The following IMPA2 variants were observed in gnomAD, a reference collection of about 807,000 sequenced individuals.
The protein encoded by IMPA2 is IMP 2.
Under a neutral mutation model 35.1 loss-of-function variants are expected in IMPA2, and 32 were observed. The observed-to-expected ratio is 0.91, with a 90% CI of 0.69 to 1.23. The LOEUF is 1.23. IMPA2 is among the 50% of genes most tolerant of loss of function. The pLI is 0.00. For synonymous variants in IMPA2, 135 were observed against 160.6 expected (o/e 0.84, Z 1.20); for missense variants, 334 against 387.6 (o/e 0.86, Z 1.16).
chr18:12,005,943 C>A (rs1006700140), intron 2 of IMPA2, among the ~76,000 whole-genome samples: 7 of 152,336 alleles, frequency 4.6e-5, no homozygotes, highest in East Asian at 1.9e-4. Flanking sequence ...CATTTCTAGT[C>A]CCTCTGGACC....
chr18:12,019,472 T>A (rs1490663563), intron 5 of IMPA2, among the ~76,000 whole-genome samples: 1 of 151,034 alleles, frequency 6.6e-6, no homozygotes, highest in Non-Finnish European at 1.5e-5. Flanking sequence ...TTCACCGTGT[T>A]GGCCAGGCTG....
chr18:12,011,278 G>A (rs12326288), intron 3 of IMPA2, among the ~76,000 whole-genome samples: 22,227 of 152,210 alleles, frequency 0.15, 1,812 homozygotes, highest in Admixed American at 0.24. Context: ...TGAACCCCAC[G>A]CTATAGCTGT....
At chr18:11,999,327 G>T in intron 2 of IMPA2, 140 bp downstream of exon 2, 2 of 653,344 alleles carry the variant, frequency 3.1e-6, no homozygotes, top group Non-Finnish European at 2.5e-6. Context: ...CCTAACCTGC[G>T]ATTTGTCAGT....
chr18:11,999,196 ACTC>A lies in IMPA2; in HGVS notation c.230+13_230+15del, dbSNP rs1438831305. ...AGGTTTCCTTCACACAGGTAGGTGT[ACTC>A]CTCTGGGAAACACCCCCAGTAACCC... On this transcript the variant is annotated intron_variant, in intron 2 of 7. Coordinates refer to ENST00000269159, the MANE Select transcript of IMPA2 (RefSeq NM_014214.3). 8 of 1,611,536 alleles carry A rather than the reference ACTC, an allele frequency of 5.0e-6. No homozygotes were observed. The highest frequency in any genetic ancestry group is 6.8e-6 in the Non-Finnish European group (8 of 1,178,620).
chr18:12,002,749 GC>G (rs1375748946), intron 2 of IMPA2, among the ~76,000 whole-genome samples: 1 of 130,836 alleles, frequency 7.6e-6, no homozygotes, highest in Non-Finnish European at 1.6e-5. Flanking sequence ...GGGTGACAGA[GC>G]AAGACCTTGT....
At chr18:12,026,488 A>G (rs909274802) in intron 5 of IMPA2, among the ~76,000 whole-genome samples, 3 of 152,188 alleles carry the variant, frequency 2.0e-5, no homozygotes, top group African/African-American at 7.2e-5. Context: ...AATGAACCAA[A>G]TCAAAACAAA....
intron 6 of IMPA2, 76 bp from the exon 7 acceptor site, chr18:12,028,766 C>T (rs1907954172): frequency 6.6e-7 from 1 of 1,505,852 alleles, no homozygotes; most frequent in Non-Finnish European, 9.0e-7. Flanking sequence ...GCCGGGGTAC[C>T]TGGCTGAAGT....
At chr18:12,030,288 A>T (rs1226355369) in intron 7 of IMPA2, 55 bp from the exon 8 acceptor site, 1 of 1,349,384 alleles carries the variant, frequency 7.4e-7, no homozygotes, top group Non-Finnish European at 1.1e-6. Flanking sequence ...GTTACACAAC[A>T]TTGTTCAGCC....
At chr18:12,001,327 G>A (rs145809664) in intron 2 of IMPA2, among the ~76,000 whole-genome samples, 79 of 152,246 alleles carry the variant, frequency 5.2e-4, no homozygotes, top group Middle Eastern at 3.4e-3. Flanking sequence ...GTAACGAGCC[G>A]GCTGTTTCCA....
At chr18:11,993,434 G>A (rs1906870417) in intron 1 of IMPA2, among the ~76,000 whole-genome samples, 2 of 152,208 alleles carry the variant, frequency 1.3e-5, no homozygotes, top group South Asian at 4.1e-4. Flanking sequence ...AGCTGGCGCA[G>A]CCCCCATGTG....
In IMPA2 at chr18:12,028,095, G is replaced by A. The variant is rs201691690; in HGVS notation, c.543G>A (p.Ala181=). The A allele has an allele frequency of 1.2e-5, 19 of 1,614,100 alleles. No individual in the cohort carries two copies. The highest frequency in any genetic ancestry group is 3.3e-5 in the Admixed American group (2 of 60,012). Reference sequence around the variant, plus strand: ...AAATTGGCCCCAAACGTGACCCTGCGACCCTGAAGCTGTTCCTGAGTAACA... The same window carrying A: ...AAATTGGCCCCAAACGTGACCCTGCAACCCTGAAGCTGTTCCTGAGTAACA... The part of the protein sequence containing the change: ...LTEIGPKRDP[A]TLKLFLSNME... The change falls in exon 6 of 8, where the codon GCG becomes GCA. Residue 181 remains alanine, a synonymous_variant. Transcript: ENST00000269159.
chr18:11,986,991 G>C (rs1261813451), intron 1 of IMPA2, among the ~76,000 whole-genome samples: 1 of 152,072 alleles, frequency 6.6e-6, no homozygotes, highest in African/African-American at 2.4e-5. Context: ...GTTTTGCTTT[G>C]CATTTGTCTA....
intron 2 of IMPA2, among the ~76,000 whole-genome samples, chr18:12,005,841 C>T (rs935668016): frequency 4.6e-5 from 7 of 152,296 alleles, no homozygotes; most frequent in African/African-American, 1.4e-4. Context: ...TTCTTTCCAC[C>T]GCTTCAGTTT....
intron 1 of IMPA2, among the ~76,000 whole-genome samples, 159 bp downstream of exon 1, chr18:11,981,924 G>A (rs531596935): frequency 6.6e-6 from 1 of 152,068 alleles, no homozygotes; most frequent in South Asian, 2.1e-4. Flanking sequence ...CCTTTGTGCT[G>A]GTGTCCTGGA....
intron 5 of IMPA2, among the ~76,000 whole-genome samples, chr18:12,020,445 G>A (rs1273793052): frequency 1.2e-4 from 19 of 152,092 alleles, no homozygotes; most frequent in Admixed American, 1.0e-3. Context: ...TGCCCGCCTC[G>A]GCCTCCCAAA....
At chr18:12,019,090 T>C (rs1169292089) in intron 5 of IMPA2, among the ~76,000 whole-genome samples, 3 of 152,030 alleles carry the variant, frequency 2.0e-5, no homozygotes, top group Non-Finnish European at 4.4e-5. Flanking sequence ...CGTCTCAAAG[T>C]GCTGGAATTA....
rs1195425769 is a variant in IMPA2 at position 12,028,039 on chromosome 18, G to A, written c.491-4G>A. ...CTGGTGACAGGAAATTCTTTTTATT[G>A]CAGATCTCTCAAAGGCCTTGGTTCT... is the stretch of plus-strand genomic sequence containing the variant. On this transcript the variant is annotated splice_region_variant and splice_polypyrimidine_tract_variant and intron_variant, in intron 5 of 7. Transcript: ENST00000269159. 3 of 1,600,998 alleles carry A rather than the reference G, an allele frequency of 1.9e-6. 1 individual carries two copies. In the South Asian group the frequency reaches 3.3e-5, roughly 18 times the overall value.
chr18:12,021,211 G>C (rs544663500), intron 5 of IMPA2, among the ~76,000 whole-genome samples: 10 of 152,286 alleles, frequency 6.6e-5, no homozygotes, highest in African/African-American at 2.4e-4. Flanking sequence ...GGGCCACATA[G>C]CAAGACCCCA....
chr18:12,008,050 A>T (rs1343014169), intron 2 of IMPA2, among the ~76,000 whole-genome samples: 4 of 151,338 alleles, frequency 2.6e-5, no homozygotes, highest in African/African-American at 9.7e-5. Context: ...CAACGTTAGG[A>T]TCACTGCAAC....
Sources: gnomAD v4.1 joint callset for allele counts (sites outside exome capture counted in the v4.1 genomes callset) on GRCh38, gnomAD v4.1.1 for gene constraint, MANE v1.5 for transcripts, NCBI Gene and HGNC (gene_info 2026-07-23, HGNC 2026-07-21) for gene names.